TMEM165: variants seen among roughly 807,000 people sequenced by gnomAD.
TMEM165 encodes the protein transmembrane protein 165.
A neutral mutation model predicts 30.0 loss-of-function variants in TMEM165; 19 were observed. The ratio of observed to expected loss-of-function variants is 0.63; its 90% confidence interval spans 0.44 to 0.93. The LOEUF is 0.93. TMEM165 is among the 40% of genes least tolerant of loss of function. The probability of loss-of-function intolerance (pLI) is 0.00; values close to 1 mark genes in which losing one functional copy is unlikely to be tolerated. For missense variants in TMEM165, 340 were observed against 417.0 expected (o/e 0.82, Z 1.61); for synonymous variants, 168 against 162.9 (o/e 1.03, Z -0.24).
chr4:55,399,673 C>T (rs2109516485), intron 1 of TMEM165, among the ~76,000 whole-genome samples: 1 of 152,202 alleles, frequency 6.6e-6, no homozygotes, highest in Middle Eastern at 3.4e-3. Flanking sequence ...GTGGTAGAAA[C>T]AGTGTCCAGT....
At chr4:55,452,310 T>A (rs1724533131) in exon 4 of TMEM165, 1 of 152,238 alleles carries the variant, frequency 6.6e-6, no homozygotes, top group South Asian at 2.1e-4. Context: ...GAACTGAGGA[T>A]AGCCTTCAGC....
rs1722792878 is a variant in TMEM165 at position 55,435,324 on chromosome 4, TG to T, written c.408+10683del. The T allele has an allele frequency of 2.0e-6, 3 of 1,484,698 alleles. No homozygotes were observed. In the Admixed American group the frequency reaches 5.1e-5, roughly 25 times the overall value. 92.0% of individuals were successfully genotyped at this position (1,484,698 alleles called of 1,614,324 possible). ...TCAATACTGCATCTCATGAAACTGC[TG>T]GAACTTTCCCTCCTTTCCTCAGGTC... is the stretch of plus-strand genomic sequence containing the variant. On this transcript the variant is annotated intron_variant, in intron 3 of 3. Coordinates refer to the TMEM165 transcript ENST00000608091.
At chr4:55,408,461 C>T (rs184638441) in intron 1 of TMEM165, among the ~76,000 whole-genome samples, 2 of 151,960 alleles carry the variant, frequency 1.3e-5, no homozygotes, top group East Asian at 1.9e-4. Flanking sequence ...ATCTGTACAG[C>T]GTGTTACTAT....
At chr4:55,400,715 A>C (rs11727586) in intron 1 of TMEM165, among the ~76,000 whole-genome samples, 120,928 of 149,446 alleles carry the variant, frequency 0.81, 49,774 homozygotes, top group East Asian at 0.98. Context: ...GGATTACAGG[A>C]GTGAGCCACC....
chr4:55,401,859 G>T (rs1322016542), intron 1 of TMEM165, among the ~76,000 whole-genome samples: 1 of 150,190 alleles, frequency 6.7e-6, no homozygotes, highest in Non-Finnish European at 1.5e-5. Context: ...GCTCACGCTT[G>T]TAATCCCTCC....
chr4:55,412,348 C>G (rs1419640521), intron 2 of TMEM165, among the ~76,000 whole-genome samples: 2 of 142,588 alleles, frequency 1.4e-5, no homozygotes. Context: ...GAGCTGAGAT[C>G]GCGCCACTAC....
intron 4 of TMEM165, among the ~76,000 whole-genome samples, chr4:55,421,244 A>G (rs1458104896): frequency 6.7e-6 from 1 of 150,194 alleles, no homozygotes; most frequent in Admixed American, 6.6e-5. Flanking sequence ...GAACTAGTTA[A>G]ATACTAGTTT....
intron 1 of TMEM165, among the ~76,000 whole-genome samples, chr4:55,405,367 A>C (rs535720898): frequency 6.6e-6 from 1 of 152,308 alleles, no homozygotes; most frequent in East Asian, 1.9e-4. Context: ...CCAAGAGCCT[A>C]TTGAGGACAC....
intron 1 of TMEM165, among the ~76,000 whole-genome samples, chr4:55,410,018 C>T (rs1721422168): frequency 6.6e-6 from 1 of 152,208 alleles, no homozygotes; most frequent in African/African-American, 2.4e-5. Context: ...CTTGTAGTTG[C>T]CATGTATTTG....
At chr4:55,431,595 C>G (rs6828570) in intron 3 of TMEM165, 51,394 of 152,110 alleles carry the variant, frequency 0.34, 9,391 homozygotes, top group East Asian at 0.58. Flanking sequence ...GTGTTTACCC[C>G]CTTCCAACAG....
At chr4:55,409,574 T>C (rs552901940) in intron 1 of TMEM165, among the ~76,000 whole-genome samples, 26 of 152,314 alleles carry the variant, frequency 1.7e-4, no homozygotes, top group African/African-American at 6.0e-4. Context: ...GGCTGTCCTG[T>C]GCATTGTAGG....
At chr4:55,436,985 C>T (rs3805146) in intron 3 of TMEM165, among the ~76,000 whole-genome samples, 50,565 of 149,134 alleles carry the variant, frequency 0.34, 9,179 homozygotes, top group East Asian at 0.58. Context: ...GGCAGGTCCT[C>T]TCCTTTTTTT....
chr4:55,403,180 A>C, intron 1 of TMEM165: 1 of 1,063,382 alleles, frequency 9.4e-7, no homozygotes, highest in Non-Finnish European at 1.3e-6. Context: ...GTCTTCAGAT[A>C]ATCTCACCTC....
rs56157186 is a variant in TMEM165 at position 55,445,582 on chromosome 4, C to CTTTTTTTTTTT, written c.409-6641_409-6631dup. On this transcript the variant is annotated intron_variant, in intron 3 of 3. Transcript: ENST00000608091. ...TCTCTGCATCTGCTATTTCTATATTCTTTTTTTTTTTTTTTTTTTTTTTTT... is the reference window on the plus strand; with the variant it reads ...TCTCTGCATCTGCTATTTCTATATTCTTTTTTTTTTTTTTTTTTTTTTTTTTTTTTTTTTTT... Among the ~76,000 whole-genome samples, 346 of 68,580 alleles carry CTTTTTTTTTTT rather than the reference C, an allele frequency of 5.0e-3. 58 individuals are homozygous for CTTTTTTTTTTT. Among genetic ancestry groups the CTTTTTTTTTTT allele is most frequent in the African/African-American group, 0.014 (263 of 18,608 alleles). The allele number at this position is 68,580 out of a possible 152,430, so 45.0% of individuals were successfully genotyped here.
At chr4:55,433,238 A>T (rs185455573) in intron 3 of TMEM165, 1 of 152,794 alleles carries the variant, frequency 6.5e-6, no homozygotes, top group Admixed American at 6.5e-5. Context: ...CTTGATATTC[A>T]TGGGAATGTG....
chr4:55,414,096 G>A (rs1411793704), intron 2 of TMEM165, among the ~76,000 whole-genome samples: 2 of 151,956 alleles, frequency 1.3e-5, no homozygotes, highest in East Asian at 1.9e-4. Flanking sequence ...GTGAAACCCC[G>A]TCTCTACTAA....
At chr4:55,450,176 C>T in intron 3 of TMEM165, 1 of 1,613,912 alleles carries the variant, frequency 6.2e-7, no homozygotes. Flanking sequence ...CAAACCTTTC[C>T]AATGCTTCCT....
chr4:55,439,843 G>A (rs1195306990), intron 3 of TMEM165, among the ~76,000 whole-genome samples: 1 of 152,130 alleles, frequency 6.6e-6, no homozygotes, highest in Non-Finnish European at 1.5e-5. Context: ...GGTGGTTGGG[G>A]AGAGAAGAAT....
rs766235766 is a variant in TMEM165, at chr4:55,446,101, C to CT, written c.409-6118dup. On this transcript the variant is annotated intron_variant, in intron 3 of 3. Transcript: ENST00000608091. ...CACTTACTGGAAAAAAATTTAACTT[C>CT]TTTTTTTTTTTTTTTTTTTTGAGAC... Among the ~76,000 whole-genome samples, 198 of 107,348 alleles carry CT rather than the reference C, an allele frequency of 1.8e-3. 1 individual carries two copies. The highest frequency in any genetic ancestry group is 4.6e-3 in the Admixed American group (45 of 9,816). 70.4% of individuals were successfully genotyped at this position (107,348 alleles called of 152,430 possible). A position where few individuals can be genotyped will look rare whatever the true frequency, so the allele number is the denominator to read the frequency against.
Sources: gnomAD v4.1 joint callset for allele counts (sites outside exome capture counted in the v4.1 genomes callset) on GRCh38, gnomAD v4.1.1 for gene constraint, MANE v1.5 for transcripts, NCBI Gene and HGNC (gene_info 2026-07-23, HGNC 2026-07-21) for gene names.